Variants in NWD1 observed in about 807,000 individuals in gnomAD.
NWD1 encodes NACHT domain- and WD repeat-containing protein 1.
NWD1 carries 129 observed loss-of-function variants against 135.1 expected under a neutral mutation model. That is an observed-to-expected ratio of 0.96 (90% CI 0.83 to 1.11). The LOEUF (loss-of-function observed/expected upper bound fraction) is 1.11, where lower values mean the gene tolerates loss of function less well. Ranked by LOEUF, NWD1 falls within the 50% of genes least tolerant of loss-of-function variation. The probability of loss-of-function intolerance (pLI) is 0.00; values close to 1 mark genes in which losing one functional copy is unlikely to be tolerated. For synonymous variants in NWD1, 773 were observed against 786.0 expected (o/e 0.98, Z 0.28); for missense variants, 1,740 against 1,851.3 (o/e 0.94, Z 1.10).
chr19:16,747,115 C>T (rs549457028), intron 5 of NWD1, among the ~76,000 whole-genome samples: 1 of 150,794 alleles, frequency 6.6e-6, no homozygotes, highest in South Asian at 2.1e-4. Context: ...CAGCTCACTC[C>T]AACCTCTGCT....
intron 17 of NWD1, among the ~76,000 whole-genome samples, chr19:16,802,419 C>A (rs1478837697): frequency 1.3e-5 from 2 of 149,408 alleles, no homozygotes; most frequent in African/African-American, 4.9e-5. Context: ...GTGATTGCAC[C>A]ACTGCACTCC....
At chr19:16,727,202 C>A (rs1967363908) in intron 2 of NWD1, 1 of 152,194 alleles carries the variant, frequency 6.6e-6, no homozygotes, top group South Asian at 2.1e-4. Context: ...ACTGGGAAAC[C>A]ATAGTTGCTA....
chr19:16,733,057 A>T (rs1405607845), intron 3 of NWD1, among the ~76,000 whole-genome samples: 5 of 151,980 alleles, frequency 3.3e-5, no homozygotes, highest in African/African-American at 9.7e-5. Flanking sequence ...TCCCGTCTCT[A>T]TAAAATTAAA....
In NWD1 at chr19:16,749,201, G is replaced by A. The variant is rs142661674; in HGVS notation, c.559G>A (p.Val187Ile). 1.4e-4 allele frequency: 222 copies of A among 1,613,732 alleles called. No individual in the cohort carries two copies. The highest frequency in any genetic ancestry group is 1.7e-4 in the Non-Finnish European group (201 of 1,179,890). Residue 187 changes from valine to isoleucine, a missense_variant, in exon 6 of 19, where the codon GTC becomes ATC. Physicochemically the swap from Val to Ile is conservative, Grantham distance 29 (BLOSUM62 3). Transcript: ENST00000524140. ...SSEDREQGATVFLREIQDLHK... is the reference protein window; with the variant it reads ...SSEDREQGATIFLREIQDLHK... ...AGAGGACCGGGAACAGGGAGCCACC[G>A]TCTTCCTTAGAGAGATCCAAGACCT...
At chr19:16,728,705 G>A (rs1967426845) in intron 2 of NWD1, among the ~76,000 whole-genome samples, 1 of 151,944 alleles carries the variant, frequency 6.6e-6, no homozygotes, top group Non-Finnish European at 1.5e-5. Context: ...AGCACTTTGG[G>A]AGGCCGAGGC....
chr19:16,783,847 G>C (rs1969946793), intron 12 of NWD1, among the ~76,000 whole-genome samples: 1 of 152,054 alleles, frequency 6.6e-6, no homozygotes, highest in African/African-American at 2.4e-5. Flanking sequence ...CCCAAACAAT[G>C]CAGTATAACA....
At chr19:16,752,258 T>C (rs1025568100) in intron 6 of NWD1, among the ~76,000 whole-genome samples, 1 of 152,084 alleles carries the variant, frequency 6.6e-6, no homozygotes, top group African/African-American at 2.4e-5. Flanking sequence ...CAGACCTTTG[T>C]CGGTTACCAC....
intron 11 of NWD1, among the ~76,000 whole-genome samples, chr19:16,775,566 C>T (rs536572124): frequency 6.6e-5 from 10 of 152,240 alleles, no homozygotes; most frequent in Middle Eastern, 3.4e-3. Flanking sequence ...TTTAAGGGCA[C>T]GACCTGGAAG....
At chr19:16,778,362 A>AT (rs1287581210) in intron 11 of NWD1, among the ~76,000 whole-genome samples, 3 of 151,830 alleles carry the variant, frequency 2.0e-5, no homozygotes, top group Admixed American at 6.6e-5. Context: ...GCAAATATAT[A>AT]TTTTTTTTCT....
chr19:16,783,607 C>T (rs1321535527), intron 12 of NWD1, among the ~76,000 whole-genome samples: 2 of 149,216 alleles, frequency 1.3e-5, no homozygotes, highest in South Asian at 2.1e-4. Flanking sequence ...GCACTCCAGC[C>T]TGGGCAAAAA....
intron 17 of NWD1, among the ~76,000 whole-genome samples, chr19:16,804,225 C>T (rs1225132471): frequency 6.6e-6 from 1 of 152,110 alleles, no homozygotes; most frequent in Non-Finnish European, 1.5e-5. Context: ...AGAGGTAGAG[C>T]ACCAGTCTTA....
rs768778616 is a variant in NWD1, at chr19:16,773,333, C to T, written c.2608+10C>T. The T allele has an allele frequency of 6.8e-6, 11 of 1,607,444 alleles. No individual in the cohort carries two copies. The East Asian group carries it at 2.0e-4, about 29-fold the overall frequency. ...AGCGGCTGTCACAAAGGTGAGTCTC[C>T]CCAGCATAGCAAAAATCCCAGCAGG... On this transcript the variant is annotated intron_variant, in intron 11 of 18. Coordinates refer to ENST00000524140, the MANE Select transcript of NWD1 (RefSeq NM_001007525.5).
intron 11 of NWD1, among the ~76,000 whole-genome samples, chr19:16,778,445 C>A (rs1316939573): frequency 6.6e-6 from 1 of 151,428 alleles, no homozygotes; most frequent in African/African-American, 2.4e-5. Context: ...TCATTCTCAG[C>A]CAATATAATT....
At chr19:16,738,899 T>TAATATATAATAAG (rs1967968187) in intron 4 of NWD1, among the ~76,000 whole-genome samples, 1 of 144,798 alleles carries the variant, frequency 6.9e-6, no homozygotes, top group South Asian at 2.1e-4. Flanking sequence ...TATATATATA[T>TAATATATAATAAG]TTCACTCCTT....
chr19:16,790,154 T>C (rs1302290684), intron 13 of NWD1, among the ~76,000 whole-genome samples: 1 of 152,192 alleles, frequency 6.6e-6, no homozygotes, highest in Non-Finnish European at 1.5e-5. Flanking sequence ...TCGTGGGTGA[T>C]AGCTTACTAA....
chr19:16,800,294 G>T (rs1023397087), intron 17 of NWD1, 132 bp downstream of exon 17: 1 of 934,018 alleles, frequency 1.1e-6, no homozygotes, highest in South Asian at 1.8e-5. Flanking sequence ...AGGACTTTGG[G>T]AGGCCTTGGC....
chr19:16,794,453 T>C lies in NWD1; in HGVS notation c.3214-10T>C, dbSNP rs756667011. ...GGAAGTGCCTGACAGGCATCCCTGG[T>C]TCTGCACAGGTTTCCTCCAAAGGGG... On this transcript the variant is annotated splice_polypyrimidine_tract_variant and intron_variant, in intron 14 of 18. Coordinates refer to ENST00000524140, the MANE Select transcript of NWD1 (RefSeq NM_001007525.5). The C allele has an allele frequency of 6.3e-7, 1 of 1,581,248 alleles. No homozygotes were observed. Among genetic ancestry groups the C allele is most frequent in the East Asian group, 2.2e-5 (1 of 44,712 alleles).
intron 12 of NWD1, among the ~76,000 whole-genome samples, chr19:16,785,507 T>C (rs562281143): frequency 6.6e-5 from 10 of 150,520 alleles, no homozygotes; most frequent in African/African-American, 2.2e-4. Context: ...TGAGACTCTG[T>C]CTCAAAAAAA....
In NWD1 at chr19:16,815,495, C is replaced by T. The variant is rs541172574; in HGVS notation, c.*456C>T. ...CTTCTCATCTTTCCATTATTCTTTC[C>T]TCTTTTTCATTTTCATTCTCAGACT... On this transcript the variant is annotated 3_prime_UTR_variant, in exon 19 of 19. Coordinates refer to ENST00000524140, the MANE Select transcript of NWD1 (RefSeq NM_001007525.5). The T allele has an allele frequency of 1.8e-6, 1 of 564,556 alleles. No homozygotes were observed. The highest frequency in any genetic ancestry group is 1.9e-5 in the African/African-American group (1 of 52,878). The allele number at this position is 564,556 out of a possible 1,614,324, so 35.0% of individuals were successfully genotyped here.
Sources: gnomAD v4.1 joint callset for allele counts (sites outside exome capture counted in the v4.1 genomes callset) on GRCh38, gnomAD v4.1.1 for gene constraint, MANE v1.5 for transcripts, NCBI Gene and HGNC (gene_info 2026-07-23, HGNC 2026-07-21) for gene names.